ZER1: variants seen among roughly 807,000 people sequenced by gnomAD.
ZER1 encodes the protein protein zer-1 homolog.
In ZER1, 11 loss-of-function variants were observed where a neutral mutation model predicts 78.8. That is an observed-to-expected ratio of 0.14 (90% CI 0.09 to 0.23). ZER1 has a LOEUF of 0.23. Ranked by LOEUF, ZER1 falls within the 10% of genes least tolerant of loss-of-function variation. The pLI is 1.00. For missense variants in ZER1, 588 were observed against 996.9 expected, an observed-to-expected ratio of 0.59 and a Z score of 5.52; for synonymous variants, 400 against 407.0, an observed-to-expected ratio of 0.98 and a Z score of 0.21.
At chr9:128,766,900 G>A (rs535751755) in intron 1 of ZER1, among the ~76,000 whole-genome samples, 21 of 146,322 alleles carry the variant, frequency 1.4e-4, no homozygotes, top group Non-Finnish European at 1.3e-4. Flanking sequence ...CAAGCAGTTC[G>A]CATCAAAGTC....
At chr9:128,746,710 ACT>A in intron 8 of ZER1, among the ~76,000 whole-genome samples, 1 of 151,574 alleles carries the variant, frequency 6.6e-6, no homozygotes, top group African/African-American at 2.4e-5. Flanking sequence ...ATCTCGGCTC[ACT>A]GCAACCTCTG....
intron 1 of ZER1, among the ~76,000 whole-genome samples, chr9:128,763,584 G>A (rs1001627831): frequency 2.0e-5 from 3 of 152,230 alleles, no homozygotes; most frequent in Non-Finnish European, 4.4e-5. Context: ...GCCCATAAGC[G>A]CCTGTCGCGT....
At chr9:128,771,012 G>T (rs991666180) in intron 1 of ZER1, among the ~76,000 whole-genome samples, 1 of 152,082 alleles carries the variant, frequency 6.6e-6, no homozygotes, top group Non-Finnish European at 1.5e-5. Flanking sequence ...TCTATTTAAA[G>T]AAAAACAAAA....
intron 13 of ZER1, among the ~76,000 whole-genome samples, chr9:128,736,239 C>T (rs374285697): frequency 2.0e-5 from 3 of 152,068 alleles, no homozygotes; most frequent in Non-Finnish European, 2.9e-5. Flanking sequence ...CGTGAGCCAC[C>T]GCGCCCGGCC....
At chr9:128,770,783 A>T (rs115703355) in intron 1 of ZER1, among the ~76,000 whole-genome samples, 3,094 of 152,212 alleles carry the variant, frequency 0.02, 108 homozygotes, top group African/African-American at 0.071. Context: ...CATCCTAACC[A>T]GTTTGAAGTC....
Position 128,757,107 on chromosome 9 carries a change from G to A in ZER1, c.-94-1448C>T, listed in dbSNP as rs1342008790. On this transcript the variant is annotated intron_variant, in intron 1 of 15. Transcript: ENST00000291900. The stretch of plus-strand genomic sequence containing the variant: ...ATAAATGTGAAAGTTAAAACAATAA[G>A]GTTTCTAGAAGAAAACACAGGAGTA... 2.0e-5 allele frequency among the ~76,000 whole-genome samples: 3 copies of A among 152,192 alleles called. No individual in the cohort carries two copies. In the East Asian group the frequency reaches 5.8e-4, roughly 29 times the overall value.
chr9:128,750,929 C>A, intron 7 of ZER1, 140 bp from the exon 8 acceptor site: 1 of 1,423,020 alleles, frequency 7.0e-7, no homozygotes, highest in East Asian at 2.3e-5. Flanking sequence ...GGGGAGCAGA[C>A]ACCAGGGTGG....
intron 1 of ZER1, among the ~76,000 whole-genome samples, chr9:128,759,423 C>G (rs1167242643): frequency 6.6e-6 from 1 of 151,264 alleles, no homozygotes; most frequent in East Asian, 2.0e-4. Flanking sequence ...GTGATCCGCC[C>G]ATCTCTGCCT....
Position 128,731,267 on chromosome 9 carries a change from C to G in ZER1, c.*70G>C. On this transcript the variant is annotated 3_prime_UTR_variant, in exon 16 of 16. Transcript: ENST00000291900. ...GGCTCCCTCGGAAGGGGCCCGCCCG[C>G]TGGGCTGCTTGAGCATGCTTCCTCC... is the stretch of plus-strand genomic sequence containing the variant. The G allele has an allele frequency of 6.5e-7, 1 of 1,541,974 alleles. No homozygotes were observed. Among genetic ancestry groups the G allele is most frequent in the Admixed American group, 1.7e-5 (1 of 57,558 alleles).
intron 1 of ZER1, among the ~76,000 whole-genome samples, chr9:128,762,864 C>T (rs1864093000): frequency 6.6e-6 from 1 of 152,198 alleles, no homozygotes; most frequent in Admixed American, 6.5e-5. Flanking sequence ...TTTAAGAGCC[C>T]AGCAGCCTCT....
intron 9 of ZER1, 30 bp downstream of exon 9, chr9:128,742,500 G>T (rs762243667): frequency 6.2e-7 from 1 of 1,611,782 alleles, no homozygotes; most frequent in Non-Finnish European, 8.5e-7. Context: ...TGAGGCTCAG[G>T]AGGAAGGGGG....
At chr9:128,763,549 G>A (rs538889893) in intron 1 of ZER1, among the ~76,000 whole-genome samples, 3 of 152,356 alleles carry the variant, frequency 2.0e-5, no homozygotes, top group East Asian at 1.9e-4. Flanking sequence ...TACTGGCTCC[G>A]GAGGGAGACA....
At chr9:128,766,583 C>T (rs1465244832) in intron 1 of ZER1, among the ~76,000 whole-genome samples, 1 of 151,990 alleles carries the variant, frequency 6.6e-6, no homozygotes, top group Non-Finnish European at 1.5e-5. Context: ...CAGTGGCCTA[C>T]GCCTGTAATC....
Position 128,753,472 on chromosome 9 carries a change from C to T in ZER1, c.438G>A (p.Glu146=), listed in dbSNP as rs1466940507. The change falls in exon 4 of 16, where the codon GAG becomes GAA. Residue 146 remains glutamate (E), a synonymous_variant. Transcript: ENST00000291900. This position sits in a 1 kb window ranked among gnomAD's most constrained non-coding sequence, Gnocchi z 7.5. ...LFGCTNIFYE[E]ENPGGCEDEY... is the part of the protein sequence containing the mutation. The stretch of plus-strand genomic sequence containing the variant: ...CATCTTCACAGCCCCCTGGGTTCTC[C>T]TCCTCATAGAAAATGTTTGTACAGC... 1.2e-6 allele frequency: 2 copies of T among 1,614,164 alleles called. No individual in the cohort carries two copies. Among genetic ancestry groups the T allele is most frequent in the Non-Finnish European group, 1.7e-6 (2 of 1,180,022 alleles).
rs553292055 is a variant in ZER1, at chr9:128,757,724, T to C, written c.-94-2065A>G. On this transcript the variant is annotated intron_variant, in intron 1 of 15. Transcript: ENST00000291900. ...ACAACAACATGGGCAATACCTGGCA[T>C]TGGGGAAGACGGGGAACAGTGGGAA... is the stretch of plus-strand genomic sequence containing the variant. Among the ~76,000 whole-genome samples, 12 of 152,182 alleles carry C rather than the reference T, an allele frequency of 7.9e-5. No homozygotes were observed. In the East Asian group the frequency reaches 1.9e-3, roughly 24 times the overall value.
chr9:128,753,746 G>GATGGCT lies in ZER1; in HGVS notation c.309+62_309+63insAGCCAT. 1 of 1,572,064 alleles carries GATGGCT rather than the reference G, an allele frequency of 6.4e-7. No individual in the cohort carries two copies. Among genetic ancestry groups the GATGGCT allele is most frequent in the Non-Finnish European group, 8.6e-7 (1 of 1,158,316 alleles). On this transcript the variant is annotated intron_variant, in intron 3 of 15. Transcript: ENST00000291900. The surrounding 1 kb of genome is among the most constrained non-coding windows in gnomAD (Gnocchi z 7.5). The stretch of plus-strand genomic sequence containing the variant: ...CTGGGCTGGGGATGGCTGGGCTGGA[G>GATGGCT]GCGAGCAGCCTGGCCCCTGCTTGGT...
Position 128,740,922 on chromosome 9 carries a change from A to G in ZER1, c.1738-35T>C, listed in dbSNP as rs1171714332. On this transcript the variant is annotated intron_variant, in intron 11 of 15. Coordinates refer to ENST00000291900, the MANE Select transcript of ZER1 (RefSeq NM_006336.4). The surrounding 1 kb of genome is among the most constrained non-coding windows in gnomAD (Gnocchi z 4.4). ...GGAGAGCCAATGGGCCGCATCAATT[A>G]GTACTTAATGACTTAGTATCTGGTA... 7.7e-6 allele frequency: 6 copies of G among 777,514 alleles called. No individual in the cohort carries two copies. In the South Asian group the frequency reaches 8.1e-5, roughly 10 times the overall value. 48.2% of individuals were successfully genotyped at this position (777,514 alleles called of 1,614,324 possible). A position where few individuals can be genotyped will look rare whatever the true frequency, so the allele number is the denominator to read the frequency against.
At chr9:128,734,443 C>A (rs548055006) in intron 14 of ZER1, among the ~76,000 whole-genome samples, 2 of 151,288 alleles carry the variant, frequency 1.3e-5, no homozygotes, top group Middle Eastern at 3.4e-3. Context: ...ATGATCTGCC[C>A]GTCTCAGCCT....
At chr9:128,741,155 C>T (rs1863277527) in intron 11 of ZER1, among the ~76,000 whole-genome samples, 1 of 152,168 alleles carries the variant, frequency 6.6e-6, no homozygotes, top group Non-Finnish European at 1.5e-5. Context: ...CACCAAAGCT[C>T]AAAATACTAG....
Sources: allele counts gnomAD v4.1 joint callset (sites outside exome capture counted in the v4.1 genomes callset), GRCh38; gene constraint gnomAD v4.1.1; non-coding constraint Gnocchi (gnomAD v3.1); transcripts MANE v1.5; gene names NCBI Gene and HGNC (gene_info 2026-07-23, HGNC 2026-07-21).